Variants in KIN observed in about 807,000 individuals in gnomAD.
KIN encodes DNA/RNA-binding protein KIN17.
A neutral mutation model predicts 63.0 loss-of-function variants in KIN; 47 were observed. The ratio of observed to expected loss-of-function variants is 0.75; its 90% CI spans 0.59 to 0.95. The LOEUF (loss-of-function observed/expected upper bound fraction) is 0.95, where lower values mean the gene tolerates loss of function less well. Ranked by LOEUF, KIN falls within the 40% of genes least tolerant of loss-of-function variation. KIN has a pLI of 0.00. For missense variants in KIN, 408 were observed against 460.9 expected, an observed-to-expected ratio of 0.89 and a Z score of 1.05; for synonymous variants, 160 against 157.7, an observed-to-expected ratio of 1.01 and a Z score of -0.11.
rs1454953043 is a variant in KIN, at chr10:7,751,650, C to T, written c.*4430G>A. 2 of 151,896 alleles carry T rather than the reference C, an allele frequency of 1.3e-5. No homozygotes were observed. The highest frequency in any genetic ancestry group is 1.3e-4 in the Admixed American group (2 of 15,244). The allele number at this position is 151,896 out of a possible 1,614,324, so 9.4% of individuals were successfully genotyped here. The stretch of plus-strand genomic sequence containing the variant: ...TATAAGAAGTGCTCACCTATGATAC[C>T]CTTTTGAAAAACCTACTGCATCTTT... On this transcript the variant is annotated 3_prime_UTR_variant, in exon 13 of 13. Coordinates refer to ENST00000379562, the MANE Select transcript of KIN (RefSeq NM_012311.4).
intron 11 of KIN, among the ~76,000 whole-genome samples, chr10:7,761,862 T>C (rs931211322): frequency 2.0e-5 from 3 of 151,918 alleles, no homozygotes; most frequent in Admixed American, 2.0e-4. Context: ...ATTAGCCAGA[T>C]GTGGTGATGC....
At chr10:7,758,010 A>AT (rs34809948) in intron 12 of KIN, among the ~76,000 whole-genome samples, 35,611 of 138,730 alleles carry the variant, frequency 0.26, 4,567 homozygotes, top group African/African-American at 0.28. Context: ...ATATACAGAG[A>AT]TTTTTTTTTT....
chr10:7,764,275 G>A (rs1835496737), intron 9 of KIN, among the ~76,000 whole-genome samples: 1 of 152,104 alleles, frequency 6.6e-6, no homozygotes, highest in South Asian at 2.1e-4. Context: ...TCATTAAGTT[G>A]CTTTGAATTT....
In KIN at chr10:7,762,469, T is replaced by C. The variant is rs1425139829; in HGVS notation, c.1006A>G (p.Ile336Val). The change falls in exon 11 of 13, where the codon ATT (isoleucine) becomes GTT (valine). Residue 336 changes from isoleucine to valine, a missense_variant. Around this residue, in one of 2 missense-constraint regions of KIN, gnomAD observed 298 missense variants for 296.0 expected, o/e 1.01. Coordinates refer to ENST00000379562, the MANE Select transcript of KIN (RefSeq NM_012311.4). ...CAAACAGATTTACCTGGTGCTGGAA[T>C]TACTGTCTCTAAATGAGTCTGGTCA... ...KLDQTHLETV[I>V]PAPGKRILVL... 5.6e-6 allele frequency: 9 copies of C among 1,602,456 alleles called. No individual in the cohort carries two copies. The highest frequency in any genetic ancestry group is 7.7e-6 in the Non-Finnish European group (9 of 1,170,824).
intron 7 of KIN, among the ~76,000 whole-genome samples, chr10:7,771,908 AAAAG>A (rs1216737655): frequency 6.6e-6 from 1 of 151,728 alleles, no homozygotes; most frequent in Admixed American, 6.6e-5. Context: ...AAAAAAAAAA[AAAAG>A]AAAGAAAGAA....
chr10:7,756,194 AC>A, intron 12 of KIN, 52 bp from the exon 13 acceptor site: 1 of 1,123,212 alleles, frequency 8.9e-7, no homozygotes, highest in Non-Finnish European at 1.3e-6. Context: ...TTCCTAAAAG[AC>A]AAAAAAATGA....
At chr10:7,761,371 T>C (rs185671806) in intron 11 of KIN, 1 of 152,218 alleles carries the variant, frequency 6.6e-6, no homozygotes, top group African/African-American at 2.4e-5. Flanking sequence ...CAGGAAGATT[T>C]TGAGTCAGAG....
In KIN at chr10:7,753,045, T is replaced by C. The variant is rs974880866; in HGVS notation, c.*3035A>G. ...AACCCACAGAGACTGCTCTAAAAAG[T>C]AAAGTCTATGTTTGAAATAAAGAAA... is the stretch of plus-strand genomic sequence containing the variant. On this transcript the variant is annotated 3_prime_UTR_variant, in exon 13 of 13. Coordinates refer to ENST00000379562, the MANE Select transcript of KIN (RefSeq NM_012311.4). The C allele has an allele frequency of 2.6e-5, 4 of 152,102 alleles. No homozygotes were observed. Among genetic ancestry groups the C allele is most frequent in the Non-Finnish European group, 5.9e-5 (4 of 67,996 alleles). The allele number at this position is 152,102 out of a possible 1,614,324, so 9.4% of individuals were successfully genotyped here.
intron 8 of KIN, among the ~76,000 whole-genome samples, chr10:7,766,786 G>A (rs1835552486): frequency 6.6e-6 from 1 of 152,120 alleles, no homozygotes. Context: ...CACTTTGGGA[G>A]GCTGAGGTGG....
chr10:7,764,302 C>A (rs1319593619), intron 9 of KIN, among the ~76,000 whole-genome samples: 1 of 152,158 alleles, frequency 6.6e-6, no homozygotes, highest in African/African-American at 2.4e-5. Context: ...AGTTGGGATT[C>A]CTCCAGATTA....
intron 7 of KIN, among the ~76,000 whole-genome samples, chr10:7,773,834 C>T (rs977756882): frequency 2.6e-5 from 4 of 152,208 alleles, no homozygotes; most frequent in African/African-American, 9.6e-5. Context: ...TTGTCTTACT[C>T]ATCTTTTTTA....
intron 12 of KIN, among the ~76,000 whole-genome samples, chr10:7,757,087 A>G (rs1430367457): frequency 6.6e-6 from 1 of 152,142 alleles, no homozygotes; most frequent in Non-Finnish European, 1.5e-5. Context: ...TGTCTGTATG[A>G]TTGGGTTGTT....
intron 8 of KIN, 101 bp from the exon 9 acceptor site, chr10:7,766,204 C>T: frequency 1.5e-6 from 1 of 676,296 alleles, no homozygotes; most frequent in Non-Finnish European, 2.5e-6. Flanking sequence ...CTGTGAAGTC[C>T]TCTACTTCAC....
intron 7 of KIN, among the ~76,000 whole-genome samples, chr10:7,774,541 C>T (rs1312069530): frequency 6.6e-6 from 1 of 151,868 alleles, no homozygotes; most frequent in Non-Finnish European, 1.5e-5. Context: ...CAGTTGCTAG[C>T]TGGGCACAGT....
chr10:7,759,768 C>T, intron 12 of KIN, 122 bp downstream of exon 12: 2 of 534,222 alleles, frequency 3.7e-6, no homozygotes, highest in Non-Finnish European at 6.5e-6. Context: ...TACAGATTTC[C>T]AAATAGGATA....
chr10:7,784,677 A>C (rs551745870), intron 1 of KIN, among the ~76,000 whole-genome samples: 1 of 152,302 alleles, frequency 6.6e-6, no homozygotes, highest in African/African-American at 2.4e-5. Flanking sequence ...GCCAATCATA[A>C]ATGTTAAAAA....
intron 11 of KIN, chr10:7,761,489 C>T (rs1184831628): frequency 6.6e-6 from 1 of 152,152 alleles, no homozygotes; most frequent in Non-Finnish European, 1.5e-5. Flanking sequence ...TTTCACTTGA[C>T]TATCGCAGAG....
chr10:7,781,750 CAAAAA>C (rs34969604), intron 2 of KIN, among the ~76,000 whole-genome samples: 2 of 67,998 alleles, frequency 2.9e-5, no homozygotes, highest in African/African-American at 6.0e-5. Flanking sequence ...AAGACCCTGT[CAAAAA>C]AAAAAAAAAA....
intron 4 of KIN, among the ~76,000 whole-genome samples, chr10:7,779,561 A>G (rs1835854723): frequency 6.6e-6 from 1 of 152,222 alleles, no homozygotes; most frequent in Non-Finnish European, 1.5e-5. Context: ...AAAAAAAGAA[A>G]AACGGATGGT....
Sources: gnomAD v4.1 joint callset for allele counts (sites outside exome capture counted in the v4.1 genomes callset) on GRCh38, gnomAD v4.1.1 for gene constraint, gnomAD v4.1.1 regional missense constraint, MANE v1.5 for transcripts, NCBI Gene and HGNC (gene_info 2026-07-23, HGNC 2026-07-21) for gene names.